Variants in ABCB11 observed in about 807,000 individuals in gnomAD.
ABCB11 encodes the protein bile salt export pump.
Under a neutral mutation model 148.0 loss-of-function variants are expected in ABCB11, and 95 were observed. The observed-to-expected ratio is 0.64, with a 90% CI of 0.54 to 0.76. The LOEUF (loss-of-function observed/expected upper bound fraction) is 0.76, where lower values mean the gene tolerates loss of function less well. Ranked by LOEUF, ABCB11 falls within the 30% of genes least tolerant of loss-of-function variation. ABCB11 has a pLI of 0.00. For synonymous variants in ABCB11, 591 were observed against 555.4 expected (o/e 1.06, Z -0.90); for missense variants, 1,523 against 1,617.8 (o/e 0.94, Z 1.01).
Position 168,936,383 on chromosome 2 carries a change from A to C in ABCB11, c.2661T>G (p.Thr887=). The C allele has an allele frequency of 6.2e-7, 1 of 1,613,990 alleles. No homozygotes were observed. Among genetic ancestry groups the C allele is most frequent in the East Asian group, 2.2e-5 (1 of 44,874 alleles). ...AGGAGAAGGCAATGATCATGGCCAC[A>C]GTGACGTTAGTGAAGGAATTGACTA... is the stretch of plus-strand genomic sequence containing the variant. ...GMIVNSFTNV[T]VAMIIAFSFS... Residue 887 remains threonine, a synonymous_variant, in exon 22 of 28, where the codon ACT becomes ACG. Coordinates refer to ENST00000650372, the MANE Select transcript of ABCB11 (RefSeq NM_003742.4).
At chr2:168,982,297 C>A (rs1216835321) in intron 10 of ABCB11, among the ~76,000 whole-genome samples, 1 of 152,104 alleles carries the variant, frequency 6.6e-6, no homozygotes, top group Non-Finnish European at 1.5e-5. Context: ...TTCTTGACTT[C>A]ATGGCTTCAA....
chr2:169,026,021 T>C (rs1033791600), intron 1 of ABCB11, among the ~76,000 whole-genome samples: 5 of 152,216 alleles, frequency 3.3e-5, no homozygotes, highest in Non-Finnish European at 7.3e-5. Context: ...GATAAAGAAA[T>C]AACAGCCATT....
At chr2:169,020,416 CTAAG>C (rs915579239) in intron 1 of ABCB11, among the ~76,000 whole-genome samples, 3 of 151,542 alleles carry the variant, frequency 2.0e-5, no homozygotes, top group African/African-American at 7.3e-5. Context: ...GGATTAAAAA[CTAAG>C]TATGTAGAAA....
At chr2:168,961,669 C>G (rs182085531) in intron 18 of ABCB11, among the ~76,000 whole-genome samples, 6 of 151,650 alleles carry the variant, frequency 4.0e-5, no homozygotes, top group Admixed American at 3.3e-4. Flanking sequence ...AACATCTGAC[C>G]CCGTTTACAG....
At chr2:169,017,730 A>G (rs559345363) in intron 2 of ABCB11, among the ~76,000 whole-genome samples, 4 of 152,144 alleles carry the variant, frequency 2.6e-5, no homozygotes, top group Non-Finnish European at 5.9e-5. Context: ...CGCTCACTCA[A>G]TTATGATTAA....
chr2:169,025,520 G>A lies in ABCB11; in HGVS notation c.-28+5705C>T, dbSNP rs183920303. 1.2e-4 allele frequency among the ~76,000 whole-genome samples: 18 copies of A among 152,262 alleles called. No individual in the cohort carries two copies. In the East Asian group the frequency reaches 3.3e-3, roughly 28 times the overall value. On this transcript the variant is annotated intron_variant, in intron 1 of 27. Transcript: ENST00000650372. ...CCCTACCTGATCCTCCACCCCATCT[G>A]CCCTTCCAGGGTCATTTGTAGTAAT...
At position 168,971,805 on chromosome 2, in the gene ABCB11, A is replaced by G. The variant is rs767438587; in HGVS notation, c.1638+42T>C. 12 of 1,582,660 alleles carry G rather than the reference A, an allele frequency of 7.6e-6. No homozygotes were observed. In the South Asian group the frequency reaches 8.9e-5, roughly 12 times the overall value. On this transcript the variant is annotated intron_variant, in intron 14 of 27. Coordinates refer to ENST00000650372, the MANE Select transcript of ABCB11 (RefSeq NM_003742.4). ...TAATTGTGCAACTTTTTTTCCTTCT[A>G]TGACCTCTTAGTTTCTCCCAGGAAT...
At chr2:168,978,427 T>A (rs978613415) in intron 11 of ABCB11, among the ~76,000 whole-genome samples, 1 of 152,062 alleles carries the variant, frequency 6.6e-6, no homozygotes, top group African/African-American at 2.4e-5. Context: ...TGAGCCACCA[T>A]GCCTGGCCAT....
chr2:169,027,477 A>G (rs1242698150), intron 1 of ABCB11, among the ~76,000 whole-genome samples: 1 of 152,226 alleles, frequency 6.6e-6, no homozygotes, highest in Admixed American at 6.5e-5. Flanking sequence ...CGCACATTAG[A>G]GAACAGTCTC....
intron 11 of ABCB11, among the ~76,000 whole-genome samples, chr2:168,977,813 G>T (rs1322301996): frequency 6.6e-6 from 1 of 152,124 alleles, no homozygotes; most frequent in African/African-American, 2.4e-5. Context: ...CAGATCTCAT[G>T]AGAACTCCCT....
At chr2:168,978,132 CTTTTTTTTTTTTTTTTT>C (rs35964117) in intron 11 of ABCB11, among the ~76,000 whole-genome samples, 2 of 53,130 alleles carry the variant, frequency 3.8e-5, no homozygotes, top group East Asian at 1.1e-3. Context: ...AATAAATTGA[CTTTTTTTTTTTTTTTTT>C]TTTTTTTTTT....
At chr2:168,946,537 A>G (rs189426227) in intron 19 of ABCB11, among the ~76,000 whole-genome samples, 1 of 151,842 alleles carries the variant, frequency 6.6e-6, no homozygotes, top group Non-Finnish European at 1.5e-5. Context: ...TCTTCCCAGC[A>G]TAGCATAACT....
intron 1 of ABCB11, among the ~76,000 whole-genome samples, chr2:169,027,572 A>T (rs1695738043): frequency 6.6e-6 from 1 of 152,162 alleles, no homozygotes; most frequent in Admixed American, 6.5e-5. Context: ...ACTGCTGGGG[A>T]GGAGGGGATG....
At chr2:168,952,859 C>T (rs1432346114) in intron 19 of ABCB11, among the ~76,000 whole-genome samples, 3 of 151,562 alleles carry the variant, frequency 2.0e-5, no homozygotes, top group Non-Finnish European at 4.4e-5. Flanking sequence ...CAACTTCCCT[C>T]TTAGCACTGC....
chr2:168,916,359 C>G (rs2105865345), downstream of ABCB11, among the ~76,000 whole-genome samples: 1 of 152,322 alleles, frequency 6.6e-6, no homozygotes, highest in African/African-American at 2.4e-5. Context: ...AATTCACCAG[C>G]TGGCTCTGTA....
exon 3 of ABCB11, among the ~76,000 whole-genome samples, chr2:168,915,599 G>T (rs958492979): frequency 6.6e-6 from 1 of 152,218 alleles, no homozygotes; most frequent in Non-Finnish European, 1.5e-5. Flanking sequence ...GCTGCACAAA[G>T]GATGTTCAGG....
At chr2:168,934,028 G>A (rs755821755) in intron 23 of ABCB11, among the ~76,000 whole-genome samples, 128 of 152,146 alleles carry the variant, frequency 8.4e-4, no homozygotes, top group Non-Finnish European at 1.5e-3. Flanking sequence ...GAGATTACAG[G>A]CATGAGCCAC....
intron 13 of ABCB11, among the ~76,000 whole-genome samples, chr2:168,972,913 T>A (rs564996451): frequency 5.9e-5 from 9 of 152,142 alleles, no homozygotes; most frequent in Admixed American, 5.3e-4. Flanking sequence ...ACTCTCTGCT[T>A]CCTTGTTTGT....
intron 1 of ABCB11, among the ~76,000 whole-genome samples, chr2:169,022,586 C>T (rs1185528873): frequency 6.6e-6 from 1 of 151,738 alleles, no homozygotes; most frequent in Non-Finnish European, 1.5e-5. Context: ...AACAACAGGG[C>T]TAGATAATGT....
Sources: gnomAD v4.1 joint callset for allele counts (sites outside exome capture counted in the v4.1 genomes callset) on GRCh38, gnomAD v4.1.1 for gene constraint, MANE v1.5 for transcripts, NCBI Gene and HGNC (gene_info 2026-07-23, HGNC 2026-07-21) for gene names.